Variants in OPHN1 observed in about 807,000 individuals in gnomAD.
The protein encoded by OPHN1 is oligophrenin 1.
In OPHN1, 11 loss-of-function variants were observed where a neutral mutation model predicts 60.7. The ratio of observed to expected loss-of-function variants is 0.18; its 90% confidence interval spans 0.11 to 0.30. The LOEUF (loss-of-function observed/expected upper bound fraction) is 0.30, where lower values mean the gene tolerates loss of function less well. Among genes scored for constraint, OPHN1 ranks in the 10% least tolerant of loss-of-function variants. OPHN1 has a pLI of 1.00. For missense variants in OPHN1, 449 were observed against 611.0 expected (o/e 0.73, Z 2.80); for synonymous variants, 226 against 222.6 (o/e 1.02, Z -0.14).
chrX:68,225,408 C>T (rs981313569), intron 6 of OPHN1, among the ~76,000 whole-genome samples: 3 of 111,987 alleles, frequency 2.7e-5, no homozygotes, highest in East Asian at 2.8e-4. Flanking sequence ...GATCTGAGAA[C>T]GGACAGACTG....
In OPHN1 at chrX:68,235,675, T is replaced by C. The variant is rs746383964; in HGVS notation, c.385-1087A>G. 9.0e-3 allele frequency among the ~76,000 whole-genome samples: 806 copies of C among 89,094 alleles called. 11 individuals carry two copies. The highest frequency in any genetic ancestry group is 0.033 in the African/African-American group (774 of 23,532). The allele number at this position is 89,094 out of a possible 115,157, so 77.4% of individuals were successfully genotyped here. A position where few individuals can be genotyped will look rare whatever the true frequency, so the allele number is the denominator to read the frequency against. On this transcript the variant is annotated intron_variant, in intron 5 of 24. Coordinates refer to ENST00000355520, the MANE Select transcript of OPHN1 (RefSeq NM_002547.3). ...CAACATGGTGAAACCCCATCTCTAC[T>C]AAAAATACAAAAAAAAAAAAAAGAG...
intron 2 of OPHN1, among the ~76,000 whole-genome samples, chrX:68,355,372 A>C (rs1428949783): frequency 8.9e-6 from 1 of 112,361 alleles, no homozygotes; most frequent in Non-Finnish European, 1.9e-5. Context: ...TAGACCAATA[A>C]AACCTGAAGG....
intron 5 of OPHN1, among the ~76,000 whole-genome samples, chrX:68,268,718 A>G (rs1161692444): frequency 3.6e-5 from 4 of 111,496 alleles, no homozygotes; most frequent in Non-Finnish European, 7.5e-5. Context: ...CCTATTCAAC[A>G]TAGTTTTGGA....
intron 3 of OPHN1, among the ~76,000 whole-genome samples, chrX:68,293,590 T>C (rs1438224856): frequency 8.9e-6 from 1 of 112,054 alleles, no homozygotes; most frequent in Non-Finnish European, 1.9e-5. Flanking sequence ...ACCCCATGGG[T>C]GACATTTTCT....
chrX:68,327,854 G>A (rs1401186415), intron 2 of OPHN1, among the ~76,000 whole-genome samples: 1 of 93,227 alleles, frequency 1.1e-5, no homozygotes, highest in Non-Finnish European at 2.1e-5. Flanking sequence ...ACGGAGTCTC[G>A]CTCTGTCGCC....
At chrX:68,051,340 G>A (rs2076850942) in intron 23 of OPHN1, among the ~76,000 whole-genome samples, 1 of 111,286 alleles carries the variant, frequency 9.0e-6, no homozygotes, top group African/African-American at 3.3e-5. Context: ...TCCAGGCCTT[G>A]GACAGTCTGT....
intron 5 of OPHN1, among the ~76,000 whole-genome samples, chrX:68,239,903 G>A (rs754180755): frequency 9.2e-6 from 1 of 109,211 alleles, no homozygotes; most frequent in African/African-American, 3.4e-5. Flanking sequence ...TCTGCCTCCC[G>A]GGTTCAAGCA....
chrX:68,169,204 C>A (rs2077376061), intron 15 of OPHN1, among the ~76,000 whole-genome samples: 2 of 111,107 alleles, frequency 1.8e-5, no homozygotes, highest in Admixed American at 9.6e-5. Flanking sequence ...AATAAAATAC[C>A]TAGGAATCCA....
At chrX:68,113,904 A>T (rs896723960) in intron 16 of OPHN1, among the ~76,000 whole-genome samples, 9 of 105,390 alleles carry the variant, frequency 8.5e-5, no homozygotes, top group Non-Finnish European at 1.8e-4. Flanking sequence ...GCATGGCACA[A>T]GTATACATAT....
intron 2 of OPHN1, among the ~76,000 whole-genome samples, chrX:68,358,314 C>T (rs1335075759): frequency 1.8e-5 from 2 of 109,018 alleles, no homozygotes; most frequent in Middle Eastern, 4.2e-3. Flanking sequence ...GAGTGAGACT[C>T]CATTTCAAAA....
At chrX:68,218,219 A>T (rs1185224387) in intron 6 of OPHN1, among the ~76,000 whole-genome samples, 3 of 106,381 alleles carry the variant, frequency 2.8e-5, no homozygotes, top group Non-Finnish European at 3.9e-5. Context: ...TGAGAAGGGA[A>T]GTTTAGAGAA....
chrX:68,216,667 C>A (rs986296292), intron 6 of OPHN1, among the ~76,000 whole-genome samples: 5 of 110,971 alleles, frequency 4.5e-5, no homozygotes, highest in Admixed American at 9.6e-5. Context: ...TCTTTCTGCA[C>A]AACAAGATAA....
At chrX:68,202,204 T>C (rs1329633834) in intron 10 of OPHN1, among the ~76,000 whole-genome samples, 1 of 111,820 alleles carries the variant, frequency 8.9e-6, no homozygotes, top group Non-Finnish European at 1.9e-5. Flanking sequence ...CTCCCAACTC[T>C]AGACTCTTTA....
At chrX:68,078,208 G>A (rs992036252) in intron 19 of OPHN1, among the ~76,000 whole-genome samples, 4 of 111,162 alleles carry the variant, frequency 3.6e-5, no homozygotes, top group Non-Finnish European at 7.5e-5. Context: ...TGGAAGGGGG[G>A]TTGGCATCTA....
At chrX:68,087,824 T>A (rs1210711062) in intron 19 of OPHN1, among the ~76,000 whole-genome samples, 7 of 112,016 alleles carry the variant, frequency 6.2e-5, no homozygotes, top group Non-Finnish European at 1.3e-4. Flanking sequence ...AACCATACTC[T>A]TAACTACACT....
chrX:68,396,956 C>G (rs963305299), intron 2 of OPHN1, among the ~76,000 whole-genome samples: 2 of 111,822 alleles, frequency 1.8e-5, no homozygotes, highest in East Asian at 5.6e-4. Context: ...ATAGGACTCT[C>G]TCAGGACTGA....
At chrX:68,384,768 CAG>C (rs2078616081) in intron 2 of OPHN1, among the ~76,000 whole-genome samples, 1 of 110,445 alleles carries the variant, frequency 9.1e-6, no homozygotes. Context: ...GCAACTTGGA[CAG>C]AGTTAGAGGC....
At chrX:68,113,146 G>C (rs763698781) in intron 17 of OPHN1, 35 bp downstream of exon 17, 9 of 1,134,907 alleles carry the variant, frequency 7.9e-6, no homozygotes, top group Non-Finnish European at 1.1e-5. Flanking sequence ...TAAGAAACTA[G>C]GACAACACAG....
At chrX:68,201,578 G>A (rs2077535289) in intron 11 of OPHN1, 41 bp downstream of exon 11, 1 of 1,084,385 alleles carries the variant, frequency 9.2e-7, no homozygotes, top group South Asian at 1.8e-5. Context: ...CTAAGCATCT[G>A]GCACGTGGGG....
Sources: gnomAD v4.1 joint callset for allele counts (sites outside exome capture counted in the v4.1 genomes callset) on GRCh38, gnomAD v4.1.1 for gene constraint, MANE v1.5 for transcripts, NCBI Gene and HGNC (gene_info 2026-07-23, HGNC 2026-07-21) for gene names.